The following GPR35 variants were observed in gnomAD, a reference collection of about 807,000 sequenced individuals.
GPR35 encodes the protein KYNA receptor.
For synonymous variants in GPR35, 207 were observed against 198.4 expected (o/e 1.04, Z -0.36); for missense variants, 372 against 422.5 (o/e 0.88, Z 1.05).
At position 240,630,877 on chromosome 2, in the gene GPR35, G is replaced by C; in HGVS notation, c.925G>C (p.Ala309Pro). The C allele has an allele frequency of 6.2e-7, 1 of 1,608,772 alleles. No homozygotes were observed. The highest frequency in any genetic ancestry group is 8.5e-7 in the Non-Finnish European group (1 of 1,176,678). ...CCAGGACTCTCTGTGCGTGACCCTC[G>C]CCTAAGAGGCGTGCTGTGGGCGCTG... Reference protein sequence around the residue: ...KSQDSLCVTLA With the variant: ...KSQDSLCVTLP Residue 309 changes from alanine to proline, a missense_variant, in exon 2 of 2, where the codon GCC becomes CCC. Physicochemically the swap from Ala to Pro is conservative, Grantham distance 27. Coordinates refer to ENST00000407714, the MANE Select transcript of GPR35 (RefSeq NM_005301.5).
In GPR35 at chr2:240,630,567, C is replaced by T. The variant is rs766022798; in HGVS notation, c.615C>T (p.Asp205=). The T allele has an allele frequency of 1.1e-5, 17 of 1,612,710 alleles. No individual in the cohort carries two copies. The highest frequency in any genetic ancestry group is 6.7e-5 in the Admixed American group (4 of 60,002). ...CCCTGGCCCAGAGGCCACCCACCGA[C>T]GTGGGGCAGGCAGAGGCCACCCGCA... ...VTALAQRPPT[D]VGQAEATRKA... Residue 205 remains aspartate, a synonymous_variant, in exon 2 of 2, where the codon GAC becomes GAT. Transcript: ENST00000407714.
intron 1 of GPR35, among the ~76,000 whole-genome samples, chr2:240,606,106 A>G (rs2043132578): frequency 6.6e-6 from 1 of 152,174 alleles, no homozygotes; most frequent in Non-Finnish European, 1.5e-5. Flanking sequence ...CCCAGCAGGT[A>G]TAGCCAGTGT....
At chr2:240,623,417 G>A (rs36050777), upstream of GPR35, among the ~76,000 whole-genome samples, 207 of 63,806 alleles carry the variant, frequency 3.2e-3, 10 homozygotes, top group Non-Finnish European at 4.9e-3. Flanking sequence ...CAAACAGATC[G>A]TGAGGGCGCA....
chr2:240,630,830 C>T lies in GPR35; in HGVS notation c.878C>T (p.Pro293Leu). ...GAGGCGTCTGCACTGGCCGTGGCTCCCAGTGCTAAGGCCCACAAAAGCCAG... is the reference window on the plus strand; with the variant it reads ...GAGGCGTCTGCACTGGCCGTGGCTCTCAGTGCTAAGGCCCACAAAAGCCAG... ...FQEASALAVA[P>L]SAKAHKSQDS... is the part of the protein sequence containing the mutation. Residue 293 changes from proline (P) to leucine (L), a missense_variant, in exon 2 of 2, where the codon CCC becomes CTC. Coordinates refer to ENST00000407714, the MANE Select transcript of GPR35 (RefSeq NM_005301.5). 6.2e-7 allele frequency: 1 copy of T among 1,613,252 alleles called. No individual in the cohort carries two copies. The highest frequency in any genetic ancestry group is 1.3e-5 in the African/African-American group (1 of 75,070).
At chr2:240,615,418 C>CCA (rs2043228820) in intron 2 of GPR35, among the ~76,000 whole-genome samples, 1 of 152,220 alleles carries the variant, frequency 6.6e-6, no homozygotes, top group South Asian at 2.1e-4. Context: ...AAGGAGAAGG[C>CCA]CACAACACAC....
chr2:240,607,950 G>A (rs1377557531), intron 2 of GPR35, among the ~76,000 whole-genome samples: 1 of 151,926 alleles, frequency 6.6e-6, no homozygotes, highest in Non-Finnish European at 1.5e-5. Flanking sequence ...GGAGTACAGT[G>A]ATGCAATCTT....
At chr2:240,626,657 C>T (rs2043381895) in intron 1 of GPR35, among the ~76,000 whole-genome samples, 1 of 152,166 alleles carries the variant, frequency 6.6e-6, no homozygotes, top group Non-Finnish European at 1.5e-5. Context: ...GTGTCACTCA[C>T]AGCCCCATCC....
chr2:240,623,340 CGTG>C (rs1559437515), upstream of GPR35, among the ~76,000 whole-genome samples: 13 of 141,606 alleles, frequency 9.2e-5, no homozygotes, highest in South Asian at 2.3e-4. Flanking sequence ...GCAAACAGGT[CGTG>C]AGGGCGCAAA....
upstream of GPR35, among the ~76,000 whole-genome samples, chr2:240,623,341 G>A (rs79326867): frequency 0.017 from 2,266 of 136,152 alleles, 97 homozygotes; most frequent in African/African-American, 0.025. Context: ...CAAACAGGTC[G>A]TGAGGGCGCA....
At position 240,630,866 on chromosome 2, in the gene GPR35, G is replaced by T; in HGVS notation, c.914G>T (p.Cys305Phe). The T allele has an allele frequency of 6.2e-7, 1 of 1,612,106 alleles. No individual in the cohort carries two copies. The highest frequency in any genetic ancestry group is 8.5e-7 in the Non-Finnish European group (1 of 1,179,354). ...GCCCACAAAAGCCAGGACTCTCTGT[G>T]CGTGACCCTCGCCTAAGAGGCGTGC... is the stretch of plus-strand genomic sequence containing the variant. ...AKAHKSQDSL[C>F]VTLA The change falls in exon 2 of 2, where the codon TGC becomes TTC. Residue 305 changes from cysteine to phenylalanine, a missense_variant. Physicochemically the swap from Cys to Phe is radical, Grantham distance 205. Transcript: ENST00000407714.
chr2:240,607,342 C>A (rs2043145564), intron 2 of GPR35: 2 of 152,056 alleles, frequency 1.3e-5, no homozygotes, highest in South Asian at 4.2e-4. Context: ...ATCACCACAC[C>A]TGGCTAATTT....
At position 240,630,493 on chromosome 2, in the gene GPR35, T is replaced by C; in HGVS notation, c.541T>C (p.Tyr181His). Residue 181 changes from tyrosine (Y) to histidine (H), a missense_variant, in exon 2 of 2, where the codon TAC becomes CAC. Coordinates refer to ENST00000407714, the MANE Select transcript of GPR35 (RefSeq NM_005301.5). Reference sequence around the variant, plus strand: ...CATGGCGTTCCCGCTGCTGGGATTCTACCTGCCCCTGGCCGTGGTGGTCTT... The same window carrying C: ...CATGGCGTTCCCGCTGCTGGGATTCCACCTGCCCCTGGCCGTGGTGGTCTT... ...NSMAFPLLGFYLPLAVVVFCS... is the reference protein window; with the variant it reads ...NSMAFPLLGFHLPLAVVVFCS... 1.9e-6 allele frequency: 3 copies of C among 1,612,952 alleles called. No individual in the cohort carries two copies. The highest frequency in any genetic ancestry group is 2.7e-5 in the African/African-American group (2 of 75,054).
chr2:240,620,431 A>C (rs942920029), intron 5 of GPR35, among the ~76,000 whole-genome samples: 1 of 152,054 alleles, frequency 6.6e-6, no homozygotes, highest in Non-Finnish European at 1.5e-5. Flanking sequence ...GCAGAGCTGG[A>C]GGCTCCACTG....
intron 1 of GPR35, chr2:240,628,025 C>T (rs1282101160): frequency 6.6e-6 from 1 of 152,354 alleles, no homozygotes; most frequent in Non-Finnish European, 1.5e-5. Context: ...CCCCCTCCCC[C>T]TCCAGGTCTG....
Position 240,632,900 on chromosome 2 carries a change from C to T in GPR35, c.*2018C>T, listed in dbSNP as rs2043465260. Among the ~76,000 whole-genome samples, 1 of 152,202 alleles carries T rather than the reference C, an allele frequency of 6.6e-6. No homozygotes were observed. The highest frequency in any genetic ancestry group is 2.1e-4 in the South Asian group (1 of 4,824). On this transcript the variant is annotated 3_prime_UTR_variant, in exon 2 of 2. Coordinates refer to ENST00000407714, the MANE Select transcript of GPR35 (RefSeq NM_005301.5). ...TGTAATCCCTATAATAACCATAGTC[C>T]CCATGTGTCAAGGGAGAGACCAGGT...
intron 2 of GPR35, among the ~76,000 whole-genome samples, chr2:240,612,257 C>T (rs1236504835): frequency 3.3e-5 from 5 of 151,068 alleles, no homozygotes; most frequent in African/African-American, 4.9e-5. Context: ...AGTGAAACCC[C>T]GTCTCTACTA....
At chr2:240,625,212 C>T (rs1038044881), upstream of GPR35, 18 of 957,912 alleles carry the variant, frequency 1.9e-5, no homozygotes, top group Middle Eastern at 5.4e-4. Context: ...TGGAGCGTCT[C>T]TGGTTTTGCT....
rs1559434912 is a variant in GPR35 at position 240,617,003 on chromosome 2, C to T, written c.-452-87C>T. ...ACCTGGGGGAGCTGGAAGTGAATCT[C>T]ATCTTAGCTGAGCCTTCTGATGAGA... is the stretch of plus-strand genomic sequence containing the variant. On this transcript the variant is annotated intron_variant, in intron 3 of 5. Coordinates refer to the GPR35 transcript ENST00000319838. 3.9e-6 allele frequency: 3 copies of T among 765,214 alleles called. No individual in the cohort carries two copies. In the Admixed American group the frequency reaches 5.3e-5, roughly 13 times the overall value. The allele number at this position is 765,214 out of a possible 1,614,324, so 47.4% of individuals were successfully genotyped here.
intron 2 of GPR35, among the ~76,000 whole-genome samples, chr2:240,611,403 C>T (rs935659868): frequency 6.6e-6 from 1 of 152,158 alleles, no homozygotes; most frequent in Admixed American, 6.5e-5. Context: ...ATTTTCCCTC[C>T]TCTTTTTCTG....
Sources: gnomAD v4.1 joint callset for allele counts (sites outside exome capture counted in the v4.1 genomes callset) on GRCh38, gnomAD v4.1.1 for gene constraint, MANE v1.5 for transcripts, NCBI Gene and HGNC (gene_info 2026-07-23, HGNC 2026-07-21) for gene names.